The following RBM20 variants were observed in gnomAD, a reference collection of about 807,000 sequenced individuals.
RBM20 encodes RNA binding motif protein 20.
In RBM20, 51 loss-of-function variants were observed where a neutral mutation model predicts 110.1. The ratio of observed to expected loss-of-function variants is 0.46; its 90% confidence interval spans 0.37 to 0.59. The LOEUF is 0.59. Ranked by LOEUF, RBM20 falls within the 20% of genes least tolerant of loss-of-function variation. The pLI, the probability that RBM20 is intolerant of heterozygous loss-of-function variation, is 0.00. For synonymous variants in RBM20, 589 were observed against 618.2 expected, an observed-to-expected ratio of 0.95 and a Z score of 0.70; for missense variants, 1,512 against 1,574.9, an observed-to-expected ratio of 0.96 and a Z score of 0.68.
At position 110,720,514 on chromosome 10, in the gene RBM20, C is replaced by T. The variant is rs1162967693; in HGVS notation, c.192-60287C>T. Among the ~76,000 whole-genome samples the T allele has an allele frequency of 2.6e-5, 4 of 152,204 alleles. No individual in the cohort carries two copies. The East Asian group carries it at 7.7e-4, about 29-fold the overall frequency. On this transcript the variant is annotated intron_variant, in intron 1 of 13. Transcript: ENST00000369519. ...TCTCATCTTTCTTTTCTCCCCACAT[C>T]CAGTCCATCAGCAGATCCTCTCAGC...
intron 1 of RBM20, among the ~76,000 whole-genome samples, chr10:110,684,168 G>T (rs1217402870): frequency 2.6e-5 from 4 of 152,218 alleles, no homozygotes; most frequent in Non-Finnish European, 5.9e-5. Context: ...GCCGAGGCAG[G>T]TGGATCGCCT....
At chr10:110,644,332 C>T (rs991857142), upstream of RBM20, 12 of 711,250 alleles carry the variant, frequency 1.7e-5, no homozygotes, top group Non-Finnish European at 2.0e-5. This position sits in a 1 kb window ranked among gnomAD's most constrained non-coding sequence, Gnocchi z 4.3. Flanking sequence ...CGCGTCTCCT[C>T]CCCGCGCCAC....
intron 1 of RBM20, among the ~76,000 whole-genome samples, chr10:110,687,936 A>G (rs1862528163): frequency 6.6e-6 from 1 of 152,044 alleles, no homozygotes; most frequent in Non-Finnish European, 1.5e-5. Context: ...TAAAACATCA[A>G]CATCCTAGAA....
chr10:110,706,311 G>C (rs1438362532), intron 1 of RBM20, among the ~76,000 whole-genome samples: 1 of 152,182 alleles, frequency 6.6e-6, no homozygotes, highest in Non-Finnish European at 1.5e-5. Context: ...TCCACACAAA[G>C]TGTCTGGAGT....
intron 12 of RBM20, among the ~76,000 whole-genome samples, chr10:110,826,669 A>G (rs889689100): frequency 1.3e-5 from 2 of 149,550 alleles, no homozygotes; most frequent in African/African-American, 2.5e-5. Context: ...TGCAACCTCC[A>G]CCTCCTGGGT....
chr10:110,711,329 C>CAAAAAAA (rs1157753270), intron 1 of RBM20, among the ~76,000 whole-genome samples: 1 of 28,404 alleles, frequency 3.5e-5, no homozygotes, highest in Non-Finnish European at 5.8e-5. Flanking sequence ...GACTCCATCT[C>CAAAAAAA]AAAAAAAAAA....
chr10:110,834,665 G>A (rs1845099684), intron 13 of RBM20, among the ~76,000 whole-genome samples: 1 of 152,212 alleles, frequency 6.6e-6, no homozygotes, highest in South Asian at 2.1e-4. Context: ...CTTCACAGAT[G>A]TCAGAGATAT....
In RBM20 at chr10:110,831,049, A is replaced by G; in HGVS notation, c.3452-12A>G. On this transcript the variant is annotated splice_polypyrimidine_tract_variant and intron_variant, in intron 12 of 13. Coordinates refer to ENST00000369519, the MANE Select transcript of RBM20 (RefSeq NM_001134363.3). ...TCCTAACCCTGCGTGTCTATCCCCC[A>G]TCCTTTCCCAGGGGTGGAGTTCGTG... 4 of 1,548,234 alleles carry G rather than the reference A, an allele frequency of 2.6e-6. No individual in the cohort carries two copies. The highest frequency in any genetic ancestry group is 2.5e-5 in the East Asian group (1 of 40,806).
chr10:110,810,569 C>T, intron 8 of RBM20, 107 bp downstream of exon 8: 1 of 704,114 alleles, frequency 1.4e-6, no homozygotes, highest in African/African-American at 1.8e-5. Context: ...TGTTCTTGCC[C>T]CTACCCCATC....
At chr10:110,762,033 C>T (rs939635674) in intron 1 of RBM20, among the ~76,000 whole-genome samples, 35 of 152,134 alleles carry the variant, frequency 2.3e-4, no homozygotes, top group African/African-American at 8.5e-4. Context: ...ATGGTGAAAC[C>T]CCGTCCCTAC....
At chr10:110,776,161 G>A (rs1177478889) in intron 1 of RBM20, among the ~76,000 whole-genome samples, 1 of 152,134 alleles carries the variant, frequency 6.6e-6, no homozygotes, top group East Asian at 1.9e-4. Context: ...ATTGGCCCCT[G>A]ACTACATTCC....
At chr10:110,708,391 C>A (rs187871306) in intron 1 of RBM20, among the ~76,000 whole-genome samples, 13 of 152,192 alleles carry the variant, frequency 8.5e-5, no homozygotes, top group African/African-American at 3.1e-4. Context: ...TTGTGAGGAC[C>A]AGCGTGATGA....
At chr10:110,738,150 A>G (rs1564830567) in intron 1 of RBM20, among the ~76,000 whole-genome samples, 1 of 152,208 alleles carries the variant, frequency 6.6e-6, no homozygotes, top group Non-Finnish European at 1.5e-5. Flanking sequence ...AGTGCTGAAG[A>G]GGAAAGAGGC....
At chr10:110,651,112 A>G (rs967077335) in intron 1 of RBM20, among the ~76,000 whole-genome samples, 3 of 152,212 alleles carry the variant, frequency 2.0e-5, no homozygotes, top group Non-Finnish European at 4.4e-5. Flanking sequence ...AGTTTCTTCC[A>G]AGAATAAAAT....
chr10:110,784,435 G>T lies in RBM20; in HGVS notation c.1429+3G>T. The T allele has an allele frequency of 1.3e-6, 2 of 1,549,840 alleles. No individual in the cohort carries two copies. Among genetic ancestry groups the T allele is most frequent in the South Asian group, 2.4e-5 (2 of 83,950 alleles). ...TTATAACCCTGCTGGGAATGAAGGTGAGCAAGGCCCTACAGGTCAGCAGCT... is the reference window on the plus strand; with the variant it reads ...TTATAACCCTGCTGGGAATGAAGGTTAGCAAGGCCCTACAGGTCAGCAGCT... On this transcript the variant is annotated splice_donor_region_variant and intron_variant, in intron 4 of 13. Coordinates refer to ENST00000369519, the MANE Select transcript of RBM20 (RefSeq NM_001134363.3).
chr10:110,812,367 C>A lies in RBM20; in HGVS notation c.1970C>A (p.Ser657Tyr), dbSNP rs922116966. The A allele has an allele frequency of 1.3e-6, 2 of 1,551,574 alleles. No individual in the cohort carries two copies. The highest frequency in any genetic ancestry group is 3.9e-5 in the Admixed American group (2 of 50,992). Residue 657 changes from serine to tyrosine, a missense_variant, in exon 9 of 14, where the codon TCT becomes TAT. By Grantham distance (144) the Ser-to-Tyr change is moderately radical. Transcript: ENST00000369519. ...SHTPSFTSCS[S>Y]SHSPPGPSRA... ...ACTCCCAGCTTCACCTCCTGCAGCT[C>A]TTCCCACAGCCCTCCGGGCCCCTCC...
chr10:110,666,903 T>C (rs1356831380), intron 1 of RBM20, among the ~76,000 whole-genome samples: 1 of 152,176 alleles, frequency 6.6e-6, no homozygotes, highest in Non-Finnish European at 1.5e-5. Flanking sequence ...AGAGTCGGTC[T>C]TCCTTTGAGG....
In RBM20 at chr10:110,805,399, G is replaced by A. The variant is rs570540279; in HGVS notation, c.1801-4984G>A. 3.3e-4 allele frequency among the ~76,000 whole-genome samples: 50 copies of A among 152,318 alleles called. 1 individual carries two copies. The highest frequency in any genetic ancestry group is 1.0e-3 in the African/African-American group (43 of 41,576). On this transcript the variant is annotated intron_variant, in intron 7 of 13. Transcript: ENST00000369519. ...GTCAGGGCTGCCTTGACAGGATCTG[G>A]CTCAGATGAGTTCTGGGCTCATCTA...
chr10:110,827,017 A>T (rs568908192), intron 12 of RBM20, among the ~76,000 whole-genome samples: 1 of 152,216 alleles, frequency 6.6e-6, no homozygotes, highest in Non-Finnish European at 1.5e-5. Context: ...TACAGATTGT[A>T]TTTGTTAATA....
Sources: gnomAD v4.1 joint callset for allele counts (sites outside exome capture counted in the v4.1 genomes callset) on GRCh38, gnomAD v4.1.1 for gene constraint, Gnocchi (gnomAD v3.1) non-coding constraint, MANE v1.5 for transcripts, NCBI Gene and HGNC (gene_info 2026-07-23, HGNC 2026-07-21) for gene names.